Variants in DNAH17 observed in about 807,000 individuals in gnomAD.
DNAH17 encodes axonemal beta dynein heavy chain 17.
In DNAH17, 376 loss-of-function variants were observed where a neutral mutation model predicts 485.6. That is an observed-to-expected ratio of 0.77 (90% CI 0.71 to 0.84). The LOEUF (loss-of-function observed/expected upper bound fraction) is 0.84, where lower values mean the gene tolerates loss of function less well. DNAH17 is among the 40% of genes least tolerant of loss of function. The pLI, the probability that DNAH17 is intolerant of heterozygous loss-of-function variation, is 0.00. For missense variants in DNAH17, 6,370 were observed against 5,839.3 expected (o/e 1.09, Z -2.96); for synonymous variants, 3,031 against 2,405.9 (o/e 1.26, Z -7.60).
At chr17:78,560,995 A>G in intron 12 of DNAH17, 60 bp from the exon 13 acceptor site, 1 of 1,482,774 alleles carries the variant, frequency 6.7e-7, no homozygotes, top group Non-Finnish European at 9.1e-7. Flanking sequence ...TGTCTTCGGC[A>G]CGTCCCATCG....
intron 69 of DNAH17, among the ~76,000 whole-genome samples, chr17:78,446,557 T>A (rs2087310034): frequency 6.6e-6 from 1 of 152,248 alleles, no homozygotes; most frequent in Admixed American, 6.5e-5. Flanking sequence ...GCTGGCATTC[T>A]CCATTCACCT....
chr17:78,431,605 A>C (rs1340976624), intron 75 of DNAH17, among the ~76,000 whole-genome samples: 1 of 152,106 alleles, frequency 6.6e-6, no homozygotes, highest in Non-Finnish European at 1.5e-5. Context: ...CCAGACGGCT[A>C]AACAGGCCGT....
Position 78,572,620 on chromosome 17 carries a change from G to C in DNAH17, c.539+81C>G, listed in dbSNP as rs148802868. The C allele has an allele frequency of 1.1e-3, 1,415 of 1,286,128 alleles. 17 individuals carry two copies. In the African/African-American group the frequency reaches 0.019, roughly 17 times the overall value. The allele number at this position is 1,286,128 out of a possible 1,614,324, so 79.7% of individuals were successfully genotyped here. The stretch of plus-strand genomic sequence containing the variant: ...CAGGGAAACAACGGGTCGGAGTGGG[G>C]TGGAGTGGGGTGGGGGGTGGGGGTC... On this transcript the variant is annotated intron_variant, in intron 3 of 80. Transcript: ENST00000389840.
At chr17:78,534,232 A>G (rs1004071511) in intron 19 of DNAH17, among the ~76,000 whole-genome samples, 8 of 152,244 alleles carry the variant, frequency 5.3e-5, no homozygotes, top group African/African-American at 1.4e-4. Flanking sequence ...CAGAGCCCAC[A>G]TGACAGCTGC....
rs373690298 is a variant in DNAH17, at chr17:78,492,711, C to T, written c.6463G>A (p.Val2155Met). The change falls in exon 42 of 81, where the codon GTG becomes ATG. Residue 2155 changes from valine to methionine, a missense_variant. By Grantham distance (21) the Val-to-Met change is conservative. Transcript: ENST00000389840. ...YQNLKRKPVAVDLDPKAVTCD... is the reference protein window; with the variant it reads ...YQNLKRKPVAMDLDPKAVTCD... ...GTGACGGCCTTGGGGTCCAGGTCCA[C>T]GGCGACCGGCTTCCTCTTCAGGTTC... The T allele has an allele frequency of 5.1e-5, 83 of 1,612,878 alleles. No individual in the cohort carries two copies. The highest frequency in any genetic ancestry group is 5.8e-5 in the Non-Finnish European group (68 of 1,179,524).
chr17:78,451,357 A>G (rs2087542798), intron 66 of DNAH17, 112 bp downstream of exon 66: 3 of 976,342 alleles, frequency 3.1e-6, no homozygotes, highest in Non-Finnish European at 4.5e-6. Flanking sequence ...CTTCAGAGAG[A>G]AGCAACGACA....
At chr17:78,538,012 G>C (rs530185672) in intron 18 of DNAH17, among the ~76,000 whole-genome samples, 1 of 152,020 alleles carries the variant, frequency 6.6e-6, no homozygotes, top group Admixed American at 6.6e-5. Context: ...CTGGTGGTGG[G>C]TGTCTGGAAC....
chr17:78,446,823 T>C (rs1047989547), intron 69 of DNAH17, among the ~76,000 whole-genome samples: 2 of 152,060 alleles, frequency 1.3e-5, no homozygotes, highest in African/African-American at 4.8e-5. Context: ...TTTGCATTTT[T>C]TGTAGAGACA....
At chr17:78,536,173 C>T (rs867090709) in intron 19 of DNAH17, among the ~76,000 whole-genome samples, 5 of 152,108 alleles carry the variant, frequency 3.3e-5, no homozygotes, top group African/African-American at 9.7e-5. Flanking sequence ...GGCACGGTGG[C>T]TCACACCTGT....
At chr17:78,525,968 G>C (rs529981668) in intron 24 of DNAH17, among the ~76,000 whole-genome samples, 24 of 152,374 alleles carry the variant, frequency 1.6e-4, no homozygotes, top group African/African-American at 5.3e-4. Flanking sequence ...CCTGTGAGGC[G>C]GAGGTGCAGG....
intron 75 of DNAH17, among the ~76,000 whole-genome samples, chr17:78,432,778 C>A (rs1306008294): frequency 1.3e-5 from 2 of 152,142 alleles, no homozygotes; most frequent in Non-Finnish European, 2.9e-5. Context: ...CTGGCATTGC[C>A]AGGCCAGGCT....
At chr17:78,430,491 A>G (rs540212947) in intron 75 of DNAH17, among the ~76,000 whole-genome samples, 5 of 152,320 alleles carry the variant, frequency 3.3e-5, no homozygotes, top group African/African-American at 1.2e-4. Context: ...GCTGTCATCA[A>G]ATACCAGTGG....
At position 78,485,117 on chromosome 17, in the gene DNAH17, C is replaced by T. The variant is rs538498977; in HGVS notation, c.7484-84G>A. The stretch of plus-strand genomic sequence containing the variant: ...TAGGGAGGGGCGCTACCTGCTTCCC[C>T]GGAGGACAGAAGGTGGGACCTGGCT... On this transcript the variant is annotated intron_variant, in intron 47 of 80. Coordinates refer to ENST00000389840, the MANE Select transcript of DNAH17 (RefSeq NM_173628.4). 6 of 1,465,194 alleles carry T rather than the reference C, an allele frequency of 4.1e-6. No homozygotes were observed. In the Middle Eastern group the frequency reaches 5.5e-4, roughly 135 times the overall value. 90.8% of individuals were successfully genotyped at this position (1,465,194 alleles called of 1,614,324 possible).
chr17:78,475,382 C>T lies in DNAH17; in HGVS notation c.8407G>A (p.Gly2803Ser). 5.0e-6 allele frequency: 8 copies of T among 1,613,952 alleles called. No individual in the cohort carries two copies. The highest frequency in any genetic ancestry group is 5.9e-6 in the Non-Finnish European group (7 of 1,179,894). ...GAGAGGCTCTGTTTGCCACTGCCGC[C>T]CACCCCCACCAGCAGGGCATTCCCC... ...PRGNALLVGV[G>S]GSGKQSLSRL... is the part of the protein sequence containing the mutation. The change falls in exon 54 of 81, where the codon GGC (glycine) becomes AGC (serine). Residue 2803 changes from glycine (G) to serine (S), a missense_variant. Transcript: ENST00000389840.
intron 32 of DNAH17, 38 bp from the exon 33 acceptor site, chr17:78,502,736 G>T (rs758468150): frequency 1.9e-6 from 3 of 1,599,994 alleles, no homozygotes; most frequent in Non-Finnish European, 2.6e-6. Flanking sequence ...CGCAGTGAGC[G>T]ATCGCTGGCG....
chr17:78,574,536 G>A, intron 2 of DNAH17, among the ~76,000 whole-genome samples, 177 bp downstream of exon 2: 1 of 151,990 alleles, frequency 6.6e-6, no homozygotes, highest in East Asian at 1.9e-4. Context: ...CCAAAAGCAA[G>A]CAGGTCTGTC....
chr17:78,480,629 G>C, intron 49 of DNAH17, 55 bp downstream of exon 49: 2 of 1,478,210 alleles, frequency 1.4e-6, no homozygotes, highest in Non-Finnish European at 1.9e-6. Context: ...TCATTTGCCA[G>C]AAGCAAGCCT....
Position 78,507,493 on chromosome 17 carries a change from A to AGTCCCCCGGGAGCTGGGT in DNAH17, c.4531_4548dup (p.Thr1511_Asp1516dup). 6.2e-7 allele frequency: 1 copy of AGTCCCCCGGGAGCTGGGT among 1,612,882 alleles called. No homozygotes were observed. Among genetic ancestry groups the AGTCCCCCGGGAGCTGGGT allele is most frequent in the South Asian group, 1.1e-5 (1 of 91,076 alleles). On this transcript the variant is annotated inframe_insertion, in exon 28 of 81. Transcript: ENST00000389840. ...TGGTTGATGTCGTCAAAGCGCTGGG[A>AGTCCCCCGGGAGCTGGGT]GTCCCCCGGGAGCTGGGTGCGGATG...
intron 48 of DNAH17, among the ~76,000 whole-genome samples, chr17:78,482,300 A>C (rs1483568844): frequency 6.6e-6 from 1 of 152,114 alleles, no homozygotes; most frequent in Non-Finnish European, 1.5e-5. Context: ...TGTTGAGATT[A>C]CAGGCCTGAG....
Sources: gnomAD v4.1 joint callset for allele counts (sites outside exome capture counted in the v4.1 genomes callset) on GRCh38, gnomAD v4.1.1 for gene constraint, MANE v1.5 for transcripts, NCBI Gene and HGNC (gene_info 2026-07-23, HGNC 2026-07-21) for gene names.